CNOT1: variants seen among roughly 807,000 people sequenced by gnomAD.
CNOT1 encodes CCR4-associated factor 1.
A neutral mutation model predicts 273.8 loss-of-function variants in CNOT1; 15 were observed. The observed-to-expected ratio is 0.05, with a 90% confidence interval of 0.04 to 0.08. CNOT1 has a LOEUF of 0.08. CNOT1 is among the 10% of genes least tolerant of loss of function. The pLI is 1.00. For synonymous variants in CNOT1, 1,022 were observed against 1,005.5 expected (o/e 1.02, Z -0.31); for missense variants, 1,644 against 2,912.2 (o/e 0.56, Z 10.02).
chr16:58,587,065 A>G (rs747681580), intron 6 of CNOT1, 136 bp downstream of exon 6: 71 of 1,237,922 alleles, frequency 5.7e-5, no homozygotes, highest in African/African-American at 4.6e-5. Flanking sequence ...TTTATATTAC[A>G]TGTTTTTTAC....
At chr16:58,602,407 G>C (rs72790291) in intron 1 of CNOT1, among the ~76,000 whole-genome samples, 54,943 of 151,462 alleles carry the variant, frequency 0.36, 10,984 homozygotes, top group Non-Finnish European at 0.46. Context: ...CCATCTGTAG[G>C]CCGGGTGTGG....
At position 58,555,915 on chromosome 16, in the gene CNOT1, G is replaced by T. The variant is rs539946597; in HGVS notation, c.2480-7C>A. ...CACACCTGAGACAAGTCCGCTGTTGGAAACAAAAAAGGAATCAGTGGGCAT... is the reference window on the plus strand; with the variant it reads ...CACACCTGAGACAAGTCCGCTGTTGTAAACAAAAAAGGAATCAGTGGGCAT... On this transcript the variant is annotated splice_region_variant and splice_polypyrimidine_tract_variant and intron_variant, in intron 19 of 48. Transcript: ENST00000317147. 4.2e-5 allele frequency: 68 copies of T among 1,607,670 alleles called. 1 individual carries two copies. The South Asian group carries it at 5.6e-4, about 13-fold the overall frequency.
chr16:58,539,853 G>C lies in CNOT1; in HGVS notation c.4907C>G (p.Ala1636Gly), dbSNP rs371646806. Residue 1636 changes from alanine (A) to glycine (G), a missense_variant, in exon 35 of 49, where the codon GCT becomes GGT. Ala to Gly is a moderately conservative substitution (Grantham distance 60). Around this residue, in one of 13 missense-constraint regions of CNOT1, gnomAD observed 170 missense variants for 273.1 expected, o/e 0.62. Coordinates refer to ENST00000317147, the MANE Select transcript of CNOT1 (RefSeq NM_016284.5). ...IPPTLAMNPQ[A>G]QALRSLLEVV... ...CTCCAAGAGACTTCGAAGAGCCTGA[G>C]CTTGAGGGTTCATGGCCAAAGTTGG... 6.2e-7 allele frequency: 1 copy of C among 1,614,180 alleles called. No individual in the cohort carries two copies. The highest frequency in any genetic ancestry group is 8.5e-7 in the Non-Finnish European group (1 of 1,180,036).
At chr16:58,606,068 T>C (rs975436256) in intron 1 of CNOT1, among the ~76,000 whole-genome samples, 2 of 152,110 alleles carry the variant, frequency 1.3e-5, no homozygotes, top group Non-Finnish European at 2.9e-5. Context: ...AACTGTTACC[T>C]GAACAATGAT....
chr16:58,549,625 T>C lies in CNOT1; in HGVS notation c.3522+94A>G, dbSNP rs1328425497. The C allele has an allele frequency of 1.0e-5, 15 of 1,474,392 alleles. No individual in the cohort carries two copies. The Admixed American group carries it at 3.9e-4, about 39-fold the overall frequency. 91.3% of individuals were successfully genotyped at this position (1,474,392 alleles called of 1,614,324 possible). A position where few individuals can be genotyped will look rare whatever the true frequency, so the allele number is the denominator to read the frequency against. On this transcript the variant is annotated intron_variant, in intron 25 of 48. Transcript: ENST00000317147. The stretch of plus-strand genomic sequence containing the variant: ...TTCCAGAGGTACCTAATATTGACAA[T>C]ATATATGGAAAAATAGCAAAAATCC...
At chr16:58,587,586 C>A (rs1051150836) in intron 4 of CNOT1, among the ~76,000 whole-genome samples, 173 bp from the exon 5 acceptor site, 1 of 152,238 alleles carries the variant, frequency 6.6e-6, no homozygotes, top group African/African-American at 2.4e-5. Flanking sequence ...TAAGCCTTCA[C>A]ATGATCTGGT....
At chr16:58,581,296 A>G (rs1415690950) in intron 11 of CNOT1, 49 bp downstream of exon 11, 2 of 1,551,376 alleles carry the variant, frequency 1.3e-6, no homozygotes, top group Non-Finnish European at 1.7e-6. Flanking sequence ...TACATAAAGA[A>G]TAAGTCATGT....
intron 1 of CNOT1, among the ~76,000 whole-genome samples, chr16:58,610,274 C>G (rs1013227596): frequency 6.6e-6 from 1 of 152,118 alleles, no homozygotes; most frequent in Non-Finnish European, 1.5e-5. Flanking sequence ...AAAAAACTAG[C>G]CAGGCATGGT....
At chr16:58,536,174 A>C (rs1315788243) in intron 39 of CNOT1, among the ~76,000 whole-genome samples, 1 of 152,216 alleles carries the variant, frequency 6.6e-6, no homozygotes, top group Non-Finnish European at 1.5e-5. Context: ...GTTTGAAGAA[A>C]TATAATGGTC....
At chr16:58,537,811 TTA>T in intron 38 of CNOT1, 78 bp downstream of exon 38, 2 of 1,557,768 alleles carry the variant, frequency 1.3e-6, no homozygotes, top group South Asian at 2.3e-5. Context: ...ACAAGTAATG[TTA>T]GTAAGTCTGC....
chr16:58,542,610 A>G (rs1213139211), intron 31 of CNOT1, 42 bp from the exon 32 acceptor site: 1 of 1,579,106 alleles, frequency 6.3e-7, no homozygotes, highest in Non-Finnish European at 8.6e-7. Context: ...GAATAGAAGG[A>G]AAAAGACTTG....
intron 14 of CNOT1, among the ~76,000 whole-genome samples, chr16:58,575,657 G>A (rs2041432730): frequency 1.3e-5 from 2 of 152,134 alleles, no homozygotes; most frequent in African/African-American, 2.4e-5. Flanking sequence ...AAATTAGCCA[G>A]GTACGTTGGC....
At chr16:58,562,113 T>C (rs2040867129) in intron 16 of CNOT1, among the ~76,000 whole-genome samples, 1 of 151,438 alleles carries the variant, frequency 6.6e-6, no homozygotes, top group South Asian at 2.1e-4. Context: ...GGCAGGAGAA[T>C]TGCTTGAACC....
At chr16:58,595,082 C>G (rs1174456952) in intron 2 of CNOT1, among the ~76,000 whole-genome samples, 2 of 151,414 alleles carry the variant, frequency 1.3e-5, no homozygotes, top group East Asian at 3.9e-4. Flanking sequence ...CCACTGCACT[C>G]TAGCCTGGGT....
At chr16:58,560,497 A>T (rs970085535) in intron 16 of CNOT1, 135 bp from the exon 17 acceptor site, 1 of 1,411,738 alleles carries the variant, frequency 7.1e-7, no homozygotes, top group African/African-American at 1.5e-5. Context: ...CAGTAGCACG[A>T]TATCAATTCA....
chr16:58,587,706 T>C (rs1794856464), intron 4 of CNOT1, 74 bp downstream of exon 4: 2 of 1,478,956 alleles, frequency 1.4e-6, no homozygotes, highest in Non-Finnish European at 1.8e-6. Flanking sequence ...CATCACATTA[T>C]GAGATCAAGG....
At chr16:58,604,552 C>T (rs575890094) in intron 1 of CNOT1, among the ~76,000 whole-genome samples, 14 of 148,414 alleles carry the variant, frequency 9.4e-5, no homozygotes, top group South Asian at 4.2e-4. Context: ...GAGGCCAAGG[C>T]GGGTGAATCA....
intron 2 of CNOT1, among the ~76,000 whole-genome samples, chr16:58,590,718 T>C (rs759982032): frequency 6.6e-5 from 10 of 152,222 alleles, no homozygotes; most frequent in Non-Finnish European, 1.0e-4. Flanking sequence ...TGAGCTATGA[T>C]GGTGCCACTG....
chr16:58,556,585 A>G (rs973381994), intron 19 of CNOT1, among the ~76,000 whole-genome samples: 1 of 152,240 alleles, frequency 6.6e-6, no homozygotes, highest in Non-Finnish European at 1.5e-5. Flanking sequence ...TTACATTCGT[A>G]TATCTACCAC....
Sources: gnomAD v4.1 joint callset for allele counts (sites outside exome capture counted in the v4.1 genomes callset) on GRCh38, gnomAD v4.1.1 for gene constraint, gnomAD v4.1.1 regional missense constraint, MANE v1.5 for transcripts, NCBI Gene and HGNC (gene_info 2026-07-23, HGNC 2026-07-21) for gene names.